Variants in UVRAG observed in about 807,000 individuals in gnomAD.
The protein encoded by UVRAG is UV radiation resistance associated, also known as UV radiation resistance-associated gene protein.
UVRAG carries 19 observed loss-of-function variants against 78.0 expected under a neutral mutation model. The ratio of observed to expected loss-of-function variants is 0.24; its 90% CI spans 0.17 to 0.36. The LOEUF is 0.36. UVRAG is among the 10% of genes least tolerant of loss of function. The pLI, the probability that UVRAG is intolerant of heterozygous loss-of-function variation, is 1.00. For synonymous variants in UVRAG, 323 were observed against 324.6 expected, an observed-to-expected ratio of 1.00 and a Z score of 0.05; for missense variants, 740 against 853.8, an observed-to-expected ratio of 0.87 and a Z score of 1.66.
intron 1 of UVRAG, among the ~76,000 whole-genome samples, chr11:75,826,164 T>C (rs543061965): frequency 1.3e-5 from 2 of 151,166 alleles, no homozygotes; most frequent in Non-Finnish European, 2.9e-5. Context: ...TCTTTCCTTT[T>C]TTTTTCTTTT....
At chr11:75,920,008 G>GTTTTTTTATTT (rs1947941246) in intron 6 of UVRAG, among the ~76,000 whole-genome samples, 1 of 55,462 alleles carries the variant, frequency 1.8e-5, no homozygotes, top group African/African-American at 5.8e-5. Flanking sequence ...AATAATTTTG[G>GTTTTTTTATTT]TTTTTTTTTT....
chr11:76,131,886 T>A (rs1393900544), intron 14 of UVRAG, among the ~76,000 whole-genome samples: 1 of 152,206 alleles, frequency 6.6e-6, no homozygotes, highest in Admixed American at 6.5e-5. Context: ...TCCTACTTGA[T>A]CTGAGAGAGG....
intron 6 of UVRAG, among the ~76,000 whole-genome samples, chr11:75,959,412 TA>T (rs1948868171): frequency 6.6e-6 from 1 of 152,244 alleles, no homozygotes; most frequent in Admixed American, 6.5e-5. Context: ...GTCTATGTTC[TA>T]GAGGTGGCTT....
chr11:75,880,012 T>C lies in UVRAG; in HGVS notation c.404T>C (p.Leu135Ser), dbSNP rs1946902166. The change falls in exon 4 of 15, where the codon TTG becomes TCG. Residue 135 changes from leucine to serine, a missense_variant. Coordinates refer to ENST00000356136, the MANE Select transcript of UVRAG (RefSeq NM_003369.4). The stretch of plus-strand genomic sequence containing the variant: ...CTGTTGATTGAATGGAAAGTCTGTT[T>C]GGATGGGCTGAAATACTTGGGTCAG... ...YQLLIEWKVCLDGLKYLGQQI... is the reference protein window; with the variant it reads ...YQLLIEWKVCSDGLKYLGQQI... 1 of 1,614,048 alleles carries C rather than the reference T, an allele frequency of 6.2e-7. No homozygotes were observed. Among genetic ancestry groups the C allele is most frequent in the African/African-American group, 1.3e-5 (1 of 74,934 alleles).
chr11:75,903,479 A>G (rs539580043), intron 5 of UVRAG, among the ~76,000 whole-genome samples: 3 of 152,266 alleles, frequency 2.0e-5, no homozygotes, highest in Non-Finnish European at 2.9e-5. Context: ...GAATTGGACT[A>G]CTATTTAATT....
chr11:76,125,041 C>A (rs545488056), intron 14 of UVRAG, among the ~76,000 whole-genome samples: 186 of 152,336 alleles, frequency 1.2e-3, no homozygotes, highest in Non-Finnish European at 2.0e-3. Flanking sequence ...CAGATCTACT[C>A]TCTTCCTTTC....
At chr11:76,086,979 G>A (rs557455511) in intron 13 of UVRAG, among the ~76,000 whole-genome samples, 23 of 152,320 alleles carry the variant, frequency 1.5e-4, no homozygotes, top group African/African-American at 4.8e-4. Context: ...TTTTATTGAT[G>A]TAATTTAACT....
intron 12 of UVRAG, among the ~76,000 whole-genome samples, chr11:76,039,724 A>G (rs573154064): frequency 1.3e-5 from 2 of 152,168 alleles, no homozygotes; most frequent in East Asian, 3.9e-4. Flanking sequence ...AAAACACAAA[A>G]ATTAGCCGGA....
chr11:76,042,245 A>C (rs963079171), intron 12 of UVRAG, among the ~76,000 whole-genome samples: 1 of 152,224 alleles, frequency 6.6e-6, no homozygotes, highest in African/African-American at 2.4e-5. Flanking sequence ...TTAGATACAC[A>C]CACAGACAAA....
At chr11:75,923,227 A>G (rs1303178352) in intron 6 of UVRAG, among the ~76,000 whole-genome samples, 2 of 151,842 alleles carry the variant, frequency 1.3e-5, no homozygotes. Context: ...TATTAATATT[A>G]TATATTTTCT....
In UVRAG at chr11:75,828,780, CAT is replaced by C. The variant is rs71036067; in HGVS notation, c.117+13281_117+13282del. Among the ~76,000 whole-genome samples, 197 of 92,760 alleles carry C rather than the reference CAT, an allele frequency of 2.1e-3. 7 individuals are homozygous for C. The highest frequency in any genetic ancestry group is 6.8e-3 in the Middle Eastern group (1 of 148). The allele number at this position is 92,760 out of a possible 152,430, so 60.9% of individuals were successfully genotyped here. ...ATATATATATATATATATATACACACATATATATATATATATATATATATATT... is the reference window on the plus strand; with the variant it reads ...ATATATATATATATATATATACACACATATATATATATATATATATATATT... On this transcript the variant is annotated intron_variant, in intron 1 of 14. Coordinates refer to ENST00000356136, the MANE Select transcript of UVRAG (RefSeq NM_003369.4).
chr11:76,107,910 A>G (rs1951999424), intron 13 of UVRAG, among the ~76,000 whole-genome samples: 1 of 152,198 alleles, frequency 6.6e-6, no homozygotes, highest in Non-Finnish European at 1.5e-5. Context: ...TACATAAGGC[A>G]AATCTCTAAA....
At chr11:76,113,489 A>G (rs559411777) in intron 13 of UVRAG, among the ~76,000 whole-genome samples, 2 of 152,306 alleles carry the variant, frequency 1.3e-5, no homozygotes, top group Non-Finnish European at 2.9e-5. Context: ...AGAAACAGCT[A>G]AAAGGTGTTC....
At chr11:75,846,742 G>A (rs73491729) in intron 1 of UVRAG, among the ~76,000 whole-genome samples, 11,473 of 151,842 alleles carry the variant, frequency 0.076, 1,416 homozygotes, top group African/African-American at 0.26. Flanking sequence ...TTCTGTTCTC[G>A]TCTGTTTGTC....
intron 7 of UVRAG, among the ~76,000 whole-genome samples, chr11:75,977,210 T>G (rs1291137107): frequency 6.6e-6 from 1 of 152,204 alleles, no homozygotes; most frequent in Non-Finnish European, 1.5e-5. Flanking sequence ...GAGTTCTAGT[T>G]TGATTGCACT....
intron 14 of UVRAG, among the ~76,000 whole-genome samples, chr11:76,140,192 T>C (rs1170617149): frequency 2.7e-5 from 4 of 147,000 alleles, no homozygotes; most frequent in African/African-American, 1.0e-4. Flanking sequence ...TGGTTAGCAT[T>C]TGGGTGTTGG....
intron 9 of UVRAG, among the ~76,000 whole-genome samples, chr11:76,006,713 A>G (rs1052955183): frequency 4.1e-5 from 6 of 148,092 alleles, no homozygotes; most frequent in African/African-American, 1.2e-4. Context: ...ATTTCATACT[A>G]TAGCTTTTTA....
intron 13 of UVRAG, among the ~76,000 whole-genome samples, chr11:76,102,017 G>A (rs532593359): frequency 1.3e-5 from 2 of 152,230 alleles, no homozygotes; most frequent in South Asian, 2.1e-4. Flanking sequence ...ACAGCGTGGT[G>A]TCTCCTGCTT....
intron 11 of UVRAG, among the ~76,000 whole-genome samples, chr11:76,013,417 C>T (rs981987345): frequency 1.3e-5 from 2 of 152,108 alleles, no homozygotes; most frequent in Non-Finnish European, 2.9e-5. Context: ...CTCCCTGGAC[C>T]GTCCACTCCT....
Sources: allele counts gnomAD v4.1 joint callset (sites outside exome capture counted in the v4.1 genomes callset), GRCh38; gene constraint gnomAD v4.1.1; transcripts MANE v1.5; gene names NCBI Gene and HGNC (gene_info 2026-07-23, HGNC 2026-07-21).